The following MNT variants were observed in gnomAD, a reference collection of about 807,000 sequenced individuals.
The protein encoded by MNT is max-binding protein MNT.
MNT carries 13 observed loss-of-function variants against 40.7 expected under a neutral mutation model. The ratio of observed to expected loss-of-function variants is 0.32; its 90% CI spans 0.21 to 0.51. The LOEUF (loss-of-function observed/expected upper bound fraction) is 0.51. Among genes scored for constraint, MNT ranks in the 20% least tolerant of loss-of-function variants. MNT has a pLI of 0.98. For synonymous variants in MNT, 426 were observed against 354.8 expected, an observed-to-expected ratio of 1.20 and a Z score of -2.26; for missense variants, 757 against 792.0, an observed-to-expected ratio of 0.96 and a Z score of 0.53.
chr17:2,394,539 TC>T (rs1194667808), intron 2 of MNT, among the ~76,000 whole-genome samples, 193 bp from the exon 3 acceptor site: 2 of 151,944 alleles, frequency 1.3e-5, no homozygotes, highest in Non-Finnish European at 2.9e-5. Context: ...TAATCACAAC[TC>T]CTGTCACCCT....
At chr17:2,389,634 ATCAACACCTTTTCTTGCC>A in intron 4 of MNT, 1 of 152,346 alleles carries the variant, frequency 6.6e-6, no homozygotes, top group South Asian at 2.1e-4. Flanking sequence ...GCCTTTCTTG[ATCAACACCTTTTCTTGCC>A]TCTGTCCCCT....
rs201879561 is a variant in MNT, at chr17:2,395,421, C to G, written c.107G>C (p.Arg36Pro). ...EQERLRLEQE[R>P]EQEQKKANSL... ...ATTGGCCTTCTTCTGTTCCTGCTCT[C>G]GCTCCTGCTCCAAGCGAAGCCGCTC... Residue 36 changes from arginine to proline, a missense_variant, in exon 2 of 6, where the codon CGA becomes CCA. Around this residue, in one of 4 missense-constraint regions of MNT, gnomAD observed 335 missense variants for 291.4 expected, o/e 1.15. Transcript: ENST00000174618. The G allele has an allele frequency of 1.2e-6, 2 of 1,613,038 alleles. No individual in the cohort carries two copies. The highest frequency in any genetic ancestry group is 1.1e-5 in the South Asian group (1 of 91,054).
At chr17:2,388,849 C>A (rs1212874934) in intron 4 of MNT, among the ~76,000 whole-genome samples, 2 of 152,158 alleles carry the variant, frequency 1.3e-5, no homozygotes, top group Non-Finnish European at 2.9e-5. Context: ...CTGCTGGCAG[C>A]TTTTCGCCCA....
chr17:2,386,925 T>C lies in MNT; in HGVS notation c.1725A>G (p.Pro575=), dbSNP rs1246863154. 5.4e-6 allele frequency: 8 copies of C among 1,487,892 alleles called. No individual in the cohort carries two copies. Among genetic ancestry groups the C allele is most frequent in the African/African-American group, 2.8e-5 (2 of 71,382 alleles). 92.2% of individuals were successfully genotyped at this position (1,487,892 alleles called of 1,614,324 possible). The change falls in exon 6 of 6, where the codon CCA becomes CCG. Residue 575 remains proline (P), a synonymous_variant. Transcript: ENST00000174618. ...PVTMVTMPSF[P]VSTLKLA is the part of the protein sequence containing the mutation. ...CTCAAGCCAGCTTGAGTGTGCTGAC[T>C]GGGAAGGAGGGCATGGTGACCATGG... is the stretch of plus-strand genomic sequence containing the variant.
At chr17:2,387,830 G>C (rs1260314416) in intron 5 of MNT, 27 bp downstream of exon 5, 4 of 1,576,768 alleles carry the variant, frequency 2.5e-6, no homozygotes, top group Admixed American at 1.7e-5. Flanking sequence ...TGAGGGCTGG[G>C]GGGCCAGCGT....
chr17:2,386,792 TG>T lies in MNT; in HGVS notation c.*108del, dbSNP rs1018050506. 180 of 1,032,824 alleles carry T rather than the reference TG, an allele frequency of 1.7e-4. 1 individual carries two copies. In the East Asian group the frequency reaches 3.8e-3, roughly 22 times the overall value. The allele number at this position is 1,032,824 out of a possible 1,614,324, so 64.0% of individuals were successfully genotyped here. A position where few individuals can be genotyped will look rare whatever the true frequency, so the allele number is the denominator to read the frequency against. On this transcript the variant is annotated 3_prime_UTR_variant, in exon 6 of 6. Coordinates refer to ENST00000174618, the MANE Select transcript of MNT (RefSeq NM_020310.3). ...TTCCCCTAGGAGGCCTGGGGGTGGG[TG>T]GGGGGGCTGGCCTGGGCCTGGCTGG...
intron 4 of MNT, 123 bp downstream of exon 4, chr17:2,393,920 G>A (rs981562883): frequency 2.3e-5 from 12 of 516,544 alleles, no homozygotes; most frequent in African/African-American, 2.2e-4. Flanking sequence ...GCGCCCGCGT[G>A]GAGGTGGGAG....
chr17:2,399,234 T>C (rs970068036), intron 1 of MNT, among the ~76,000 whole-genome samples: 1 of 151,974 alleles, frequency 6.6e-6, no homozygotes, highest in Non-Finnish European at 1.5e-5. Context: ...GCCGAGGCCC[T>C]GGCAGCACCC....
chr17:2,393,008 G>A (rs2066535627), intron 4 of MNT, among the ~76,000 whole-genome samples: 1 of 152,086 alleles, frequency 6.6e-6, no homozygotes, highest in Admixed American at 6.5e-5. Context: ...GGCCGGGGGA[G>A]GGGCGGCGCC....
intron 4 of MNT, chr17:2,391,754 G>A (rs1029651683): frequency 1.1e-4 from 16 of 152,308 alleles, no homozygotes; most frequent in African/African-American, 3.9e-4. Flanking sequence ...GGTCTCTCCA[G>A]GACCAGCTCT....
Position 2,395,429 on chromosome 17 carries a change from C to T in MNT, c.99G>A (p.Glu33=), listed in dbSNP as rs1352895704. Residue 33 remains glutamate (E), a synonymous_variant, in exon 2 of 6, where the codon GAG becomes GAA. Coordinates refer to ENST00000174618, the MANE Select transcript of MNT (RefSeq NM_020310.3). The stretch of plus-strand genomic sequence containing the variant: ...TCTTCTGTTCCTGCTCTCGCTCCTG[C>T]TCCAAGCGAAGCCGCTCCTGCTCCT... ...AREEQERLRL[E]QEREQEQKKA... 1 of 1,612,858 alleles carries T rather than the reference C, an allele frequency of 6.2e-7. No homozygotes were observed. The highest frequency in any genetic ancestry group is 1.1e-5 in the South Asian group (1 of 91,070).
intron 4 of MNT, chr17:2,391,531 A>G (rs2066514461): frequency 6.6e-6 from 1 of 152,230 alleles, no homozygotes; most frequent in Non-Finnish European, 1.5e-5. Flanking sequence ...TTTAACCCAC[A>G]TTGCTTCAAT....
At chr17:2,394,271 ACG>A (rs752055869) in intron 3 of MNT, 32 bp downstream of exon 3, 12 of 1,551,466 alleles carry the variant, frequency 7.7e-6, no homozygotes, top group East Asian at 4.6e-5. Flanking sequence ...GCGCGCACGC[ACG>A]CACGCACACA....
At chr17:2,398,422 TGGTCCTA>T (rs2066591365) in intron 1 of MNT, among the ~76,000 whole-genome samples, 1 of 152,234 alleles carries the variant, frequency 6.6e-6, no homozygotes, top group South Asian at 2.1e-4. Context: ...TGTCCAGAGC[TGGTCCTA>T]GGTCCCGGGA....
chr17:2,400,755 G>A lies in MNT; in HGVS notation c.-43C>T. On this transcript the variant is annotated 5_prime_UTR_variant, in exon 1 of 6. Transcript: ENST00000174618. ...GGGGCGCGCCGGGGCCGAGGCTGCG[G>A]CCCGCGAGCCGGGCACAGGTCAGGC... 4 of 1,486,276 alleles carry A rather than the reference G, an allele frequency of 2.7e-6. No individual in the cohort carries two copies. Among genetic ancestry groups the A allele is most frequent in the Non-Finnish European group, 2.7e-6 (3 of 1,122,010 alleles). The allele number at this position is 1,486,276 out of a possible 1,614,324, so 92.1% of individuals were successfully genotyped here.
chr17:2,399,897 C>A (rs1178557731), intron 1 of MNT, among the ~76,000 whole-genome samples: 1 of 152,222 alleles, frequency 6.6e-6, no homozygotes, highest in Non-Finnish European at 1.5e-5. Context: ...GGGGCTGACC[C>A]CCAGCGACCC....
At chr17:2,393,257 G>C (rs528400148) in intron 4 of MNT, among the ~76,000 whole-genome samples, 11 of 151,742 alleles carry the variant, frequency 7.2e-5, no homozygotes, top group Non-Finnish European at 1.2e-4. Flanking sequence ...AGCCCCGCCG[G>C]TTTCCAGGGA....
intron 4 of MNT, chr17:2,389,760 CCA>C (rs1567865876): frequency 6.6e-6 from 1 of 152,330 alleles, no homozygotes; most frequent in East Asian, 1.9e-4. Context: ...TTCCTGGAGC[CCA>C]GAGGCAGGAG....
intron 3 of MNT, 35 bp from the exon 4 acceptor site, chr17:2,394,189 T>C: frequency 7.0e-7 from 1 of 1,436,116 alleles, no homozygotes; most frequent in Admixed American, 1.9e-5. Flanking sequence ...CAGCGGTGCC[T>C]GGGGCGGGGC....
Sources: gnomAD v4.1 joint callset for allele counts (sites outside exome capture counted in the v4.1 genomes callset) on GRCh38, gnomAD v4.1.1 for gene constraint, gnomAD v4.1.1 regional missense constraint, MANE v1.5 for transcripts, NCBI Gene and HGNC (gene_info 2026-07-23, HGNC 2026-07-21) for gene names.